The following NSMCE2 variants were observed in gnomAD, a reference collection of about 807,000 sequenced individuals.
NSMCE2 encodes the protein NSE2 SUMO ligase component of SMC5/6 complex.
In NSMCE2, 24 loss-of-function variants were observed where a neutral mutation model predicts 23.8. The ratio of observed to expected loss-of-function variants is 1.01; its 90% confidence interval spans 0.73 to 1.42. The LOEUF (loss-of-function observed/expected upper bound fraction) is 1.42, where lower values mean the gene tolerates loss of function less well. Ranked by LOEUF, NSMCE2 falls within the 40% of genes most tolerant of loss-of-function variation. The pLI is 0.00. For missense variants in NSMCE2, 284 were observed against 296.5 expected (o/e 0.96, Z 0.31); for synonymous variants, 92 against 94.1 (o/e 0.98, Z 0.13).
intron 5 of NSMCE2, among the ~76,000 whole-genome samples, chr8:125,316,729 TC>T (rs1563780246): frequency 1.0e-5 from 1 of 96,184 alleles, no homozygotes; most frequent in Middle Eastern, 4.8e-3. Flanking sequence ...TTTCTTTCCT[TC>T]TTTTCCTTCC....
intron 5 of NSMCE2, among the ~76,000 whole-genome samples, chr8:125,298,204 G>T (rs1454323971): frequency 6.6e-6 from 1 of 152,222 alleles, no homozygotes; most frequent in Non-Finnish European, 1.5e-5. Context: ...AGGTTGCAGT[G>T]AGCTGAGATT....
At chr8:125,286,252 C>T (rs1365024416) in intron 5 of NSMCE2, among the ~76,000 whole-genome samples, 1 of 152,172 alleles carries the variant, frequency 6.6e-6, no homozygotes, top group East Asian at 1.9e-4. Flanking sequence ...AAAAAATTAT[C>T]CAATGGTCCA....
intron 5 of NSMCE2, among the ~76,000 whole-genome samples, chr8:125,352,093 T>G (rs893920564): frequency 1.3e-5 from 2 of 152,156 alleles, no homozygotes; most frequent in African/African-American, 4.8e-5. Context: ...TCATGGGTAT[T>G]TTGTTAGGAG....
At chr8:125,239,363 C>T (rs982852787) in intron 5 of NSMCE2, among the ~76,000 whole-genome samples, 1 of 152,078 alleles carries the variant, frequency 6.6e-6, no homozygotes, top group Non-Finnish European at 1.5e-5. Context: ...AATCCCAACA[C>T]TTGGGGAGGC....
chr8:125,258,649 G>A (rs1826545201), intron 5 of NSMCE2, among the ~76,000 whole-genome samples: 1 of 152,082 alleles, frequency 6.6e-6, no homozygotes. Flanking sequence ...TAAAATAATA[G>A]GAAAGATTAG....
chr8:125,343,531 C>T (rs976786259), intron 5 of NSMCE2, among the ~76,000 whole-genome samples: 2 of 152,040 alleles, frequency 1.3e-5, no homozygotes, highest in African/African-American at 4.8e-5. Flanking sequence ...CCCAGCTACT[C>T]GGGGAGCTGA....
chr8:125,141,802 C>T (rs2130626399), intron 3 of NSMCE2, among the ~76,000 whole-genome samples: 1 of 152,300 alleles, frequency 6.6e-6, no homozygotes, highest in Admixed American at 6.5e-5. Flanking sequence ...AGTTTGCCCT[C>T]ACCAGCTAAA....
At chr8:125,274,255 A>C (rs1827348314) in intron 5 of NSMCE2, among the ~76,000 whole-genome samples, 1 of 152,228 alleles carries the variant, frequency 6.6e-6, no homozygotes, top group African/African-American at 2.4e-5. Flanking sequence ...AATGAAACAA[A>C]AAAAAACTTT....
chr8:125,274,589 G>A (rs1318026732), intron 5 of NSMCE2, among the ~76,000 whole-genome samples: 10 of 152,052 alleles, frequency 6.6e-5, no homozygotes, highest in Admixed American at 6.6e-4. Flanking sequence ...TTCTAGGTAG[G>A]AGAGATGCAT....
At chr8:125,360,566 T>C (rs1315011510) in intron 7 of NSMCE2, among the ~76,000 whole-genome samples, 1 of 151,820 alleles carries the variant, frequency 6.6e-6, no homozygotes, top group African/African-American at 2.4e-5. Flanking sequence ...GTCTAAAATA[T>C]AGCCAGGAGC....
At chr8:125,291,601 C>T (rs1438752384) in intron 5 of NSMCE2, among the ~76,000 whole-genome samples, 1 of 152,116 alleles carries the variant, frequency 6.6e-6, no homozygotes, top group Non-Finnish European at 1.5e-5. Context: ...TCAGATGATA[C>T]ACCGGGATGT....
rs540021680 is a variant in NSMCE2 at position 125,310,595 on chromosome 8, C to T, written c.419-46624C>T. On this transcript the variant is annotated intron_variant, in intron 5 of 7. Coordinates refer to ENST00000287437, the MANE Select transcript of NSMCE2 (RefSeq NM_173685.4). ...TAAATTCCCGGTTACTTTAAGCCCCCTTTTTTTTTGTCTTCTGCATACCTG... is the reference window on the plus strand; with the variant it reads ...TAAATTCCCGGTTACTTTAAGCCCCTTTTTTTTTTGTCTTCTGCATACCTG... Among the ~76,000 whole-genome samples, 22 of 151,314 alleles carry T rather than the reference C, an allele frequency of 1.5e-4. No homozygotes were observed. In the South Asian group the frequency reaches 1.5e-3, roughly 10 times the overall value.
At chr8:125,189,928 G>A (rs922628452) in intron 5 of NSMCE2, among the ~76,000 whole-genome samples, 9 of 152,186 alleles carry the variant, frequency 5.9e-5, no homozygotes, top group African/African-American at 2.2e-4. Context: ...ACAAATTGAT[G>A]AAGTTTGCTG....
At chr8:125,331,172 C>T (rs1025670179) in intron 5 of NSMCE2, among the ~76,000 whole-genome samples, 6 of 151,984 alleles carry the variant, frequency 3.9e-5, no homozygotes, top group Admixed American at 2.0e-4. Flanking sequence ...TGGTGGCAGG[C>T]GCCTGTAGTC....
At chr8:125,354,374 GA>G in intron 5 of NSMCE2, among the ~76,000 whole-genome samples, 2 of 152,162 alleles carry the variant, frequency 1.3e-5, no homozygotes, top group Non-Finnish European at 2.9e-5. Flanking sequence ...AGTTTATGAA[GA>G]AATAAATCCA....
intron 5 of NSMCE2, among the ~76,000 whole-genome samples, chr8:125,249,233 A>G (rs1826110838): frequency 6.6e-6 from 1 of 152,076 alleles, no homozygotes; most frequent in Non-Finnish European, 1.5e-5. Context: ...AGTCCACTTT[A>G]TTATACTGTT....
intron 5 of NSMCE2, among the ~76,000 whole-genome samples, chr8:125,185,048 A>G (rs923685895): frequency 2.4e-4 from 37 of 152,190 alleles, no homozygotes; most frequent in African/African-American, 8.7e-4. Context: ...TGTCTTCACT[A>G]ACTTTATTAT....
chr8:125,276,883 A>C (rs1321712523), intron 5 of NSMCE2, among the ~76,000 whole-genome samples: 1 of 152,054 alleles, frequency 6.6e-6, no homozygotes, highest in African/African-American at 2.4e-5. Context: ...TTATTCCCCC[A>C]CCTTGACCAC....
intron 5 of NSMCE2, among the ~76,000 whole-genome samples, chr8:125,259,470 C>G (rs1826589074): frequency 6.6e-6 from 1 of 152,152 alleles, no homozygotes; most frequent in African/African-American, 2.4e-5. Context: ...GCCTGATGAT[C>G]TAAGGTGGAA....
Sources: allele counts gnomAD v4.1 joint callset (sites outside exome capture counted in the v4.1 genomes callset), GRCh38; gene constraint gnomAD v4.1.1; transcripts MANE v1.5; gene names NCBI Gene and HGNC (gene_info 2026-07-23, HGNC 2026-07-21).